Variants in LRRTM4 observed in about 807,000 individuals in gnomAD.
LRRTM4 encodes leucine rich repeat transmembrane neuronal 4.
Under a neutral mutation model 47.6 loss-of-function variants are expected in LRRTM4, and 25 were observed. The ratio of observed to expected loss-of-function variants is 0.53; its 90% CI spans 0.38 to 0.73. The LOEUF (loss-of-function observed/expected upper bound fraction) is 0.73, where lower values mean the gene tolerates loss of function less well. Among genes scored for constraint, LRRTM4 ranks in the 30% least tolerant of loss-of-function variants. The pLI is 0.00. For missense variants in LRRTM4, 638 were observed against 713.4 expected (o/e 0.89, Z 1.20); for synonymous variants, 311 against 269.5 (o/e 1.15, Z -1.51).
At position 76,826,624 on chromosome 2, in the gene LRRTM4, T is replaced by C. The variant is rs145459253; in HGVS notation, c.1552-77708A>G. Reference sequence around the variant, plus strand: ...AAGCCAGAAGGATTTAGGACTACTTTAAATGAACGACATTAAGCTACTTAA... The same window carrying C: ...AAGCCAGAAGGATTTAGGACTACTTCAAATGAACGACATTAAGCTACTTAA... On this transcript the variant is annotated intron_variant, in intron 3 of 3. Transcript: ENST00000409884. Among the ~76,000 whole-genome samples, 1,059 of 151,924 alleles carry C rather than the reference T, an allele frequency of 7.0e-3. 7 individuals carry two copies. The highest frequency in any genetic ancestry group is 8.4e-3 in the Non-Finnish European group (568 of 67,840).
At chr2:76,891,710 A>G (rs1465366860) in intron 3 of LRRTM4, among the ~76,000 whole-genome samples, 1 of 151,804 alleles carries the variant, frequency 6.6e-6, no homozygotes, top group African/African-American at 2.4e-5. Flanking sequence ...ACATTAGAAT[A>G]AACTCCAAAT....
chr2:77,042,495 T>A (rs73940244), intron 3 of LRRTM4, among the ~76,000 whole-genome samples: 1 of 151,622 alleles, frequency 6.6e-6, no homozygotes, highest in African/African-American at 2.4e-5. Context: ...CTACTTAATA[T>A]TGAATATTAT....
chr2:77,294,455 T>C (rs1344154355), intron 3 of LRRTM4, among the ~76,000 whole-genome samples: 1 of 152,140 alleles, frequency 6.6e-6, no homozygotes, highest in African/African-American at 2.4e-5. Flanking sequence ...ATTTAGTATT[T>C]AGAAAGGTCA....
chr2:77,419,512 A>G (rs1316415618), intron 3 of LRRTM4, among the ~76,000 whole-genome samples: 2 of 152,192 alleles, frequency 1.3e-5, no homozygotes, highest in Non-Finnish European at 2.9e-5. Context: ...GTGCTATGTA[A>G]ATAGTTGCTA....
intron 3 of LRRTM4, among the ~76,000 whole-genome samples, chr2:77,071,147 A>G (rs1193794953): frequency 6.6e-6 from 1 of 152,168 alleles, no homozygotes. Context: ...ACACACCTTC[A>G]ATGCCAAAAA....
chr2:77,382,661 G>A lies in LRRTM4; in HGVS notation c.1551+135657C>T, dbSNP rs1163463336. Among the ~76,000 whole-genome samples the A allele has an allele frequency of 3.3e-5, 5 of 152,052 alleles. No individual in the cohort carries two copies. In the East Asian group the frequency reaches 5.8e-4, roughly 18 times the overall value. On this transcript the variant is annotated intron_variant, in intron 3 of 3. Coordinates refer to ENST00000409884, the MANE Select transcript of LRRTM4 (RefSeq NM_001134745.3). ...AGGAACTTATTCTCACAACAGTGAC[G>A]ATAAAATGACCTTTTACCTAAAACT...
intron 3 of LRRTM4, among the ~76,000 whole-genome samples, chr2:77,435,845 C>T (rs796311597): frequency 3.6e-4 from 55 of 152,214 alleles, no homozygotes; most frequent in African/African-American, 1.3e-3. Flanking sequence ...TCATCAATAT[C>T]TTTATCCCTC....
chr2:77,003,495 C>A (rs564891488), intron 3 of LRRTM4, among the ~76,000 whole-genome samples: 1 of 152,088 alleles, frequency 6.6e-6, no homozygotes, highest in African/African-American at 2.4e-5. Flanking sequence ...CTCAAGAGAT[C>A]TGATGGTTTT....
At position 77,067,686 on chromosome 2, in the gene LRRTM4, TACAC is replaced by T. The variant is rs3058033; in HGVS notation, c.1552-318774_1552-318771del. 5.7e-4 allele frequency among the ~76,000 whole-genome samples: 80 copies of T among 140,762 alleles called. 1 individual carries two copies. Among genetic ancestry groups the T allele is most frequent in the Middle Eastern group, 3.5e-3 (1 of 282 alleles). 92.3% of individuals were successfully genotyped at this position (140,762 alleles called of 152,430 possible). On this transcript the variant is annotated intron_variant, in intron 3 of 3. Transcript: ENST00000409884. ...ACGGTGATTGGTTTTCAAAGATACG[TACAC>T]ACACACACACACACACACACACACA...
chr2:77,103,662 T>C (rs1264831029), intron 3 of LRRTM4, among the ~76,000 whole-genome samples: 13 of 145,302 alleles, frequency 8.9e-5, no homozygotes, highest in African/African-American at 2.9e-4. Context: ...TATATATATA[T>C]AGATATATAT....
chr2:76,785,287 C>T (rs1674613860), intron 3 of LRRTM4, among the ~76,000 whole-genome samples: 1 of 152,034 alleles, frequency 6.6e-6, no homozygotes, highest in Admixed American at 6.6e-5. Context: ...TACAGTTCTG[C>T]TCCTCAAGTA....
intron 3 of LRRTM4, among the ~76,000 whole-genome samples, chr2:76,788,588 A>G (rs1166136088): frequency 6.6e-6 from 1 of 152,238 alleles, no homozygotes; most frequent in African/African-American, 2.4e-5. Flanking sequence ...AATAAGTGCA[A>G]GGAAGTTTAT....
intron 3 of LRRTM4, among the ~76,000 whole-genome samples, chr2:77,294,969 A>G (rs973560807): frequency 1.3e-5 from 2 of 152,178 alleles, no homozygotes; most frequent in African/African-American, 4.8e-5. Flanking sequence ...ACATTTAAAT[A>G]TAATGCAAAT....
At chr2:77,051,037 T>A (rs1016755793) in intron 3 of LRRTM4, among the ~76,000 whole-genome samples, 1 of 147,282 alleles carries the variant, frequency 6.8e-6, no homozygotes, top group Non-Finnish European at 1.5e-5. Flanking sequence ...TTAAAATAGA[T>A]AACACTAAGC....
At chr2:76,978,912 G>A (rs977582549) in intron 3 of LRRTM4, among the ~76,000 whole-genome samples, 2 of 152,002 alleles carry the variant, frequency 1.3e-5, no homozygotes, top group African/African-American at 4.8e-5. Context: ...AAGGGAAAGT[G>A]CAGAAGCTAT....
chr2:77,521,876 T>C, intron 1 of LRRTM4, 58 bp from the exon 2 acceptor site: 3 of 269,162 alleles, frequency 1.1e-5, no homozygotes, highest in East Asian at 6.6e-5. Context: ...TATATACATA[T>C]ATATATATAT....
At chr2:77,362,138 AAAGAAAG>A (rs1425012549) in intron 3 of LRRTM4, among the ~76,000 whole-genome samples, 9 of 103,138 alleles carry the variant, frequency 8.7e-5, no homozygotes, top group South Asian at 5.2e-4. Context: ...AGAAAGAAAG[AAAGAAAG>A]AAAGAAAGAA....
At chr2:76,984,341 GTTT>G (rs1271107222) in intron 3 of LRRTM4, among the ~76,000 whole-genome samples, 1 of 151,820 alleles carries the variant, frequency 6.6e-6, no homozygotes, top group Non-Finnish European at 1.5e-5. Context: ...TAAATGTGTA[GTTT>G]TTTTGGTAGA....
At chr2:77,187,767 A>T (rs1021963445) in intron 3 of LRRTM4, among the ~76,000 whole-genome samples, 1 of 152,070 alleles carries the variant, frequency 6.6e-6, no homozygotes, top group African/African-American at 2.4e-5. Context: ...TGAACTGGGT[A>T]TAAACAAAAA....
Sources: gnomAD v4.1 joint callset for allele counts (sites outside exome capture counted in the v4.1 genomes callset) on GRCh38, gnomAD v4.1.1 for gene constraint, MANE v1.5 for transcripts, NCBI Gene and HGNC (gene_info 2026-07-23, HGNC 2026-07-21) for gene names.